Variants in SLC2A13 observed in about 807,000 individuals in gnomAD.
The protein encoded by SLC2A13 is solute carrier family 2 member 13.
A neutral mutation model predicts 64.4 loss-of-function variants in SLC2A13; 32 were observed. That is an observed-to-expected ratio of 0.50 (90% CI 0.37 to 0.67). The LOEUF (loss-of-function observed/expected upper bound fraction) is 0.67. SLC2A13 is among the 30% of genes least tolerant of loss of function. The probability of loss-of-function intolerance (pLI) is 0.00; values close to 1 mark genes in which losing one functional copy is unlikely to be tolerated. For missense variants in SLC2A13, 743 were observed against 829.2 expected (o/e 0.90, Z 1.28); for synonymous variants, 338 against 327.1 (o/e 1.03, Z -0.36).
At chr12:40,099,499 T>C (rs1374080281) in intron 1 of SLC2A13, among the ~76,000 whole-genome samples, 1 of 152,236 alleles carries the variant, frequency 6.6e-6, no homozygotes, top group East Asian at 1.9e-4. Flanking sequence ...GTGAAGTCAG[T>C]TAACTTTGAG....
rs1943370652 is a variant in SLC2A13, at chr12:39,848,204, C to T, written c.1319+16558G>A. On this transcript the variant is annotated intron_variant, in intron 6 of 9. Transcript: ENST00000280871. ...GGATCTAATTAAACCTAAAAGCTTG[C>T]ACACAGCAAAAGAAACTATCAACAG... Among the ~76,000 whole-genome samples the T allele has an allele frequency of 2.6e-5, 4 of 152,058 alleles. No homozygotes were observed. The South Asian group carries it at 8.3e-4, about 32-fold the overall frequency.
intron 5 of SLC2A13, among the ~76,000 whole-genome samples, chr12:39,866,601 T>C (rs1020087653): frequency 6.6e-6 from 1 of 152,032 alleles, no homozygotes; most frequent in Admixed American, 6.5e-5. Flanking sequence ...TGCCTCAGCC[T>C]CTGGAGTAGC....
At chr12:39,862,017 G>A (rs1943774875) in intron 6 of SLC2A13, among the ~76,000 whole-genome samples, 1 of 152,130 alleles carries the variant, frequency 6.6e-6, no homozygotes, top group African/African-American at 2.4e-5. Flanking sequence ...TTATCCAAAA[G>A]CTCTCCCTTC....
At chr12:40,068,481 A>C (rs1006559900) in intron 1 of SLC2A13, 1 of 267,962 alleles carries the variant, frequency 3.7e-6, no homozygotes, top group Non-Finnish European at 7.5e-6. Context: ...TTATCTAATC[A>C]TCTTCAGAAT....
chr12:40,049,766 T>A (rs914541114), intron 1 of SLC2A13, among the ~76,000 whole-genome samples: 2 of 152,172 alleles, frequency 1.3e-5, no homozygotes, highest in African/African-American at 4.8e-5. Flanking sequence ...GATGAACAGA[T>A]AGGCAAGATT....
At chr12:39,761,772 G>A (rs978386224) in intron 9 of SLC2A13, among the ~76,000 whole-genome samples, 38 of 152,130 alleles carry the variant, frequency 2.5e-4, no homozygotes, top group African/African-American at 8.7e-4. Context: ...GAAAAAATAA[G>A]TACAGATGGT....
intron 2 of SLC2A13, 122 bp from the exon 3 acceptor site, chr12:40,028,631 G>T: frequency 1.2e-6 from 1 of 844,594 alleles, no homozygotes; most frequent in Non-Finnish European, 1.8e-6. Flanking sequence ...AGAATTATTT[G>T]TGCATTTATG....
At chr12:40,019,515 C>T (rs1488614503) in intron 3 of SLC2A13, among the ~76,000 whole-genome samples, 1 of 152,144 alleles carries the variant, frequency 6.6e-6, no homozygotes, top group African/African-American at 2.4e-5. Context: ...CTTGCCAGCA[C>T]TCCATTTTCC....
chr12:40,064,888 CA>C (rs2136258664), intron 1 of SLC2A13, among the ~76,000 whole-genome samples: 1 of 152,150 alleles, frequency 6.6e-6, no homozygotes, highest in Admixed American at 6.5e-5. Flanking sequence ...AAAAATTGAT[CA>C]TTTCAAAGAA....
chr12:40,044,310 G>A (rs1948139762), intron 2 of SLC2A13, among the ~76,000 whole-genome samples: 1 of 152,066 alleles, frequency 6.6e-6, no homozygotes. Context: ...CTAAATGTGG[G>A]ACAGCTTGGG....
At chr12:39,817,407 T>C (rs1942368153) in intron 7 of SLC2A13, among the ~76,000 whole-genome samples, 1 of 128,792 alleles carries the variant, frequency 7.8e-6, no homozygotes, top group Non-Finnish European at 1.8e-5. Context: ...TGTGCTGGCT[T>C]CTAGTTGTGG....
At chr12:40,034,911 T>G (rs536954504) in intron 2 of SLC2A13, among the ~76,000 whole-genome samples, 1 of 152,306 alleles carries the variant, frequency 6.6e-6, no homozygotes, top group East Asian at 1.9e-4. Context: ...TGAATGTATG[T>G]TAAATGCCAA....
At chr12:39,928,356 A>T (rs1053614309) in intron 4 of SLC2A13, among the ~76,000 whole-genome samples, 1 of 152,128 alleles carries the variant, frequency 6.6e-6, no homozygotes, top group African/African-American at 2.4e-5. Flanking sequence ...GTACTTACTC[A>T]ATTTGAGAGC....
rs746576353 is a variant in SLC2A13, at chr12:40,028,369, T to C, written c.857A>G (p.Gln286Arg). The C allele has an allele frequency of 2.5e-6, 4 of 1,614,028 alleles. No homozygotes were observed. Among genetic ancestry groups the C allele is most frequent in the Non-Finnish European group, 2.5e-6 (3 of 1,180,020 alleles). Residue 286 changes from glutamine to arginine, a missense_variant, in exon 3 of 10, where the codon CAG becomes CGG. Around this residue, in one of 2 missense-constraint regions of SLC2A13, gnomAD observed 448 missense variants for 447.4 expected, o/e 1.00. Coordinates refer to ENST00000280871, the MANE Select transcript of SLC2A13 (RefSeq NM_052885.4). ...GCTATCATATTCCTCATCAATGGTC[T>C]GGTTACCACGCATCTGAGATAAAAT... Reference protein sequence around the residue: ...RRILSQMRGNQTIDEEYDSIK... With the variant: ...RRILSQMRGNRTIDEEYDSIK...
chr12:39,943,786 A>G (rs768486440), intron 4 of SLC2A13, among the ~76,000 whole-genome samples: 3 of 152,186 alleles, frequency 2.0e-5, no homozygotes, highest in Non-Finnish European at 4.4e-5. Flanking sequence ...TCTGGCCCCA[A>G]TACTATGCTT....
At chr12:39,828,269 T>C (rs545607561) in intron 7 of SLC2A13, among the ~76,000 whole-genome samples, 9 of 152,278 alleles carry the variant, frequency 5.9e-5, no homozygotes, top group African/African-American at 2.2e-4. Context: ...TTTCTTTCTT[T>C]TTTTGTAAAG....
At position 39,998,842 on chromosome 12, in the gene SLC2A13, C is replaced by A. The variant is rs182205239; in HGVS notation, c.925+29459G>T. ...AGGGGCCAGGGGCAGAATGATATGGCTTGGCTGTGTCCCCACCCAAATCTC... is the reference window on the plus strand; with the variant it reads ...AGGGGCCAGGGGCAGAATGATATGGATTGGCTGTGTCCCCACCCAAATCTC... On this transcript the variant is annotated intron_variant, in intron 3 of 9. Coordinates refer to ENST00000280871, the MANE Select transcript of SLC2A13 (RefSeq NM_052885.4). Among the ~76,000 whole-genome samples, 452 of 152,246 alleles carry A rather than the reference C, an allele frequency of 3.0e-3. 2 individuals are homozygous for A. Among genetic ancestry groups the A allele is most frequent in the African/African-American group, 9.4e-3 (391 of 41,532 alleles).
chr12:39,936,198 T>C (rs941640804), intron 4 of SLC2A13, among the ~76,000 whole-genome samples: 2 of 152,188 alleles, frequency 1.3e-5, no homozygotes, highest in Non-Finnish European at 2.9e-5. Context: ...TGCATCCCTC[T>C]ACAGTGTTGT....
chr12:40,007,638 T>A (rs1947448178), intron 3 of SLC2A13, among the ~76,000 whole-genome samples: 1 of 152,190 alleles, frequency 6.6e-6, no homozygotes, highest in Non-Finnish European at 1.5e-5. Flanking sequence ...TAAGATAAGC[T>A]TTGTTTTGAA....
Sources: allele counts gnomAD v4.1 joint callset (sites outside exome capture counted in the v4.1 genomes callset), GRCh38; gene constraint gnomAD v4.1.1; regional missense constraint gnomAD v4.1.1; transcripts MANE v1.5; gene names NCBI Gene and HGNC (gene_info 2026-07-23, HGNC 2026-07-21).